The following SLIT3 variants were observed in gnomAD, a reference collection of about 807,000 sequenced individuals.
SLIT3 encodes the protein slit guidance ligand 3.
SLIT3 carries 68 observed loss-of-function variants against 184.0 expected under a neutral mutation model. The observed-to-expected ratio is 0.37, with a 90% CI of 0.30 to 0.45. The LOEUF (loss-of-function observed/expected upper bound fraction) is 0.45, where lower values mean the gene tolerates loss of function less well. SLIT3 is among the 20% of genes least tolerant of loss of function. The probability of loss-of-function intolerance (pLI) is 1.00; values close to 1 mark genes in which losing one functional copy is unlikely to be tolerated. For missense variants in SLIT3, 1,707 were observed against 2,026.0 expected (o/e 0.84, Z 3.02); for synonymous variants, 831 against 828.6 (o/e 1.00, Z -0.05).
chr5:169,077,152 T>A (rs899157125), intron 4 of SLIT3, among the ~76,000 whole-genome samples: 1 of 152,228 alleles, frequency 6.6e-6, no homozygotes, highest in Non-Finnish European at 1.5e-5. Context: ...AAGACCTTTA[T>A]GGTGATCCAT....
At position 169,300,900 on chromosome 5, in the gene SLIT3, G is replaced by GCAA. The variant is rs1049908095; in HGVS notation, c.-194_-192dup. On this transcript the variant is annotated 5_prime_UTR_variant, in exon 1 of 36. Coordinates refer to ENST00000519560, the MANE Select transcript of SLIT3 (RefSeq NM_003062.4). The surrounding 1 kb of genome is among the most constrained non-coding windows in gnomAD (Gnocchi z 4.1). Reference sequence around the variant, plus strand: ...GGCGCTCCGGGCGGCGGCGGCGGCAGCAACAGCAGCTCCATCGGCGGGGCC... The same window carrying GCAA: ...GGCGCTCCGGGCGGCGGCGGCGGCAGCAACAACAGCAGCTCCATCGGCGGGGCC... 6.0e-5 allele frequency: 19 copies of GCAA among 314,426 alleles called. No individual in the cohort carries two copies. The highest frequency in any genetic ancestry group is 3.9e-4 in the East Asian group (6 of 15,562). The allele number at this position is 314,426 out of a possible 1,614,324, so 19.5% of individuals were successfully genotyped here.
Position 169,300,391 on chromosome 5 carries a change from G to A in SLIT3, c.197+122C>T, listed in dbSNP as rs1767644725. ...TCGGAGAGTGAGGGATCGTATCCAGGAAGGGATGAGAATAGAGACTGCATC... is the reference window on the plus strand; with the variant it reads ...TCGGAGAGTGAGGGATCGTATCCAGAAAGGGATGAGAATAGAGACTGCATC... On this transcript the variant is annotated intron_variant, in intron 1 of 35. Transcript: ENST00000519560. The surrounding 1 kb of genome is among the most constrained non-coding windows in gnomAD (Gnocchi z 4.1). 1.6e-6 allele frequency: 2 copies of A among 1,216,600 alleles called. No homozygotes were observed. The allele number at this position is 1,216,600 out of a possible 1,614,324, so 75.4% of individuals were successfully genotyped here. A position where few individuals can be genotyped will look rare whatever the true frequency, so the allele number is the denominator to read the frequency against.
Position 168,806,391 on chromosome 5 carries a change from A to C in SLIT3, c.935+55T>G, listed in dbSNP as rs1200598818. On this transcript the variant is annotated intron_variant, in intron 9 of 35. Coordinates refer to ENST00000519560, the MANE Select transcript of SLIT3 (RefSeq NM_003062.4). ...GGCCTAGTGGGTGATGGGCTGGGAC[A>C]GGGAGCTGAATTCTCCGGCGACAGT... 7 of 1,601,594 alleles carry C rather than the reference A, an allele frequency of 4.4e-6. No individual in the cohort carries two copies. The African/African-American group carries it at 9.4e-5, about 21-fold the overall frequency.
At chr5:169,144,065 T>G (rs1761843761) in intron 4 of SLIT3, among the ~76,000 whole-genome samples, 1 of 152,180 alleles carries the variant, frequency 6.6e-6, no homozygotes, top group Non-Finnish European at 1.5e-5. Context: ...ATCTCCATGG[T>G]GTAGATGAGA....
At chr5:169,088,696 AG>A (rs1183378923) in intron 4 of SLIT3, among the ~76,000 whole-genome samples, 1 of 152,016 alleles carries the variant, frequency 6.6e-6, no homozygotes, top group Non-Finnish European at 1.5e-5. Context: ...AGGAGCTTTG[AG>A]GAATACCGAT....
At chr5:169,233,632 G>C (rs1004814997) in intron 3 of SLIT3, among the ~76,000 whole-genome samples, 5 of 151,986 alleles carry the variant, frequency 3.3e-5, no homozygotes, top group African/African-American at 1.2e-4. Context: ...CACGTACCCC[G>C]GAACTTAAAA....
At chr5:168,822,539 C>T (rs1056399150) in intron 7 of SLIT3, among the ~76,000 whole-genome samples, 1 of 152,138 alleles carries the variant, frequency 6.6e-6, no homozygotes, top group African/African-American at 2.4e-5. Context: ...ATAGAGTCCA[C>T]TTACAGAGAA....
chr5:169,055,726 G>A (rs1757977658), intron 4 of SLIT3, among the ~76,000 whole-genome samples: 1 of 152,056 alleles, frequency 6.6e-6, no homozygotes, highest in Non-Finnish European at 1.5e-5. Context: ...CAGCTACTCG[G>A]GAGGCTGAGG....
intron 3 of SLIT3, among the ~76,000 whole-genome samples, chr5:169,224,110 C>T (rs1764711414): frequency 6.6e-6 from 1 of 152,220 alleles, no homozygotes; most frequent in African/African-American, 2.4e-5. Flanking sequence ...CCACTTCTCA[C>T]AGCAATGAGA....
chr5:168,862,687 TTTG>T (rs1262296684), intron 5 of SLIT3, among the ~76,000 whole-genome samples: 6 of 146,950 alleles, frequency 4.1e-5, no homozygotes, highest in African/African-American at 8.2e-5. Context: ...TGTTTTTTTT[TTTG>T]TGAGATGGAG....
chr5:169,121,141 T>C (rs150013035), intron 4 of SLIT3, among the ~76,000 whole-genome samples: 1 of 152,300 alleles, frequency 6.6e-6, no homozygotes, highest in African/African-American at 2.4e-5. Flanking sequence ...TCTCAAGGAC[T>C]CTTCGATATG....
chr5:168,960,093 G>T (rs542047234), intron 4 of SLIT3, among the ~76,000 whole-genome samples: 1 of 152,168 alleles, frequency 6.6e-6, no homozygotes, highest in Non-Finnish European at 1.5e-5. Context: ...CAGGTATTCT[G>T]TTGTATATTG....
At chr5:168,799,994 G>T (rs975837732) in intron 9 of SLIT3, among the ~76,000 whole-genome samples, 1 of 152,032 alleles carries the variant, frequency 6.6e-6, no homozygotes, top group Non-Finnish European at 1.5e-5. Context: ...CACTTTTGTG[G>T]TTTCTTAACT....
chr5:169,028,507 A>G (rs1476063343), intron 4 of SLIT3, among the ~76,000 whole-genome samples: 1 of 152,248 alleles, frequency 6.6e-6, no homozygotes, highest in African/African-American at 2.4e-5. Flanking sequence ...GATTAAATAT[A>G]ACACATGTAA....
chr5:168,787,654 C>T (rs768080252), intron 11 of SLIT3, among the ~76,000 whole-genome samples: 6 of 152,172 alleles, frequency 3.9e-5, no homozygotes, highest in Admixed American at 1.3e-4. Flanking sequence ...GCCTCCCTCC[C>T]CCGCACCTCC....
In SLIT3 at chr5:168,863,050, G is replaced by A. The variant is rs1177485326; in HGVS notation, c.486-18395C>T. On this transcript the variant is annotated intron_variant, in intron 5 of 35. Transcript: ENST00000519560. ...GCTGGGGGTGCAGACGGAGACGAAT[G>A]CCATGCATACAACACCTATTCTATG... 2.0e-5 allele frequency among the ~76,000 whole-genome samples: 3 copies of A among 152,194 alleles called. No individual in the cohort carries two copies. In the East Asian group the frequency reaches 5.8e-4, roughly 29 times the overall value.
intron 23 of SLIT3, among the ~76,000 whole-genome samples, chr5:168,721,867 C>T (rs978737086): frequency 1.3e-5 from 2 of 152,136 alleles, no homozygotes; most frequent in Non-Finnish European, 2.9e-5. Context: ...CATTGCCCCT[C>T]TGAGGAAACA....
At chr5:168,788,030 C>T (rs867589814) in intron 11 of SLIT3, among the ~76,000 whole-genome samples, 7 of 152,094 alleles carry the variant, frequency 4.6e-5, no homozygotes, top group African/African-American at 7.2e-5. Context: ...ATTTCAGAAT[C>T]GGGCAGCAGC....
In SLIT3 at chr5:169,077,887, T is replaced by C. The variant is rs1758809546; in HGVS notation, c.413+115592A>G. On this transcript the variant is annotated intron_variant, in intron 4 of 35. Coordinates refer to ENST00000519560, the MANE Select transcript of SLIT3 (RefSeq NM_003062.4). The stretch of plus-strand genomic sequence containing the variant: ...GTGTCATTGTAAAAAAATATTATTT[T>C]AAAAAATAGCAACACTTTTTAAGTT... Among the ~76,000 whole-genome samples the C allele has an allele frequency of 2.0e-5, 3 of 152,122 alleles. No individual in the cohort carries two copies. The South Asian group carries it at 6.2e-4, about 32-fold the overall frequency.
Sources: allele counts gnomAD v4.1 joint callset (sites outside exome capture counted in the v4.1 genomes callset), GRCh38; gene constraint gnomAD v4.1.1; non-coding constraint Gnocchi (gnomAD v3.1); transcripts MANE v1.5; gene names NCBI Gene and HGNC (gene_info 2026-07-23, HGNC 2026-07-21).